PRKAR1A: variants seen among roughly 807,000 people sequenced by gnomAD.
PRKAR1A encodes protein kinase cAMP-dependent type I regulatory subunit alpha.
A neutral mutation model predicts 52.0 loss-of-function variants in PRKAR1A; 3 were observed. That is an observed-to-expected ratio of 0.06 (90% confidence interval 0.03 to 0.15). The LOEUF (loss-of-function observed/expected upper bound fraction) is 0.15, where lower values mean the gene tolerates loss of function less well. Among genes scored for constraint, PRKAR1A ranks in the 10% least tolerant of loss-of-function variants. PRKAR1A has a pLI of 1.00. For synonymous variants in PRKAR1A, 188 were observed against 168.4 expected, an observed-to-expected ratio of 1.12 and a Z score of -0.90; for missense variants, 240 against 477.4, an observed-to-expected ratio of 0.50 and a Z score of 4.63.
the PRKAR1A span, among the ~76,000 whole-genome samples, chr17:68,477,670 T>C: frequency 6.6e-6 from 1 of 151,384 alleles, no homozygotes; most frequent in African/African-American, 2.4e-5. Context: ...ATGTTCGATC[T>C]AATGCTTCAA....
chr17:68,534,560 C>CTTTTTTTTTTTTTTTTTTTCTT (rs34994040), downstream of PRKAR1A, among the ~76,000 whole-genome samples: 1 of 111,054 alleles, frequency 9.0e-6, no homozygotes, highest in Non-Finnish European at 1.8e-5. Flanking sequence ...TTTTTAGTGC[C>CTTTTTTTTTTTTTTTTTTTCTT]TTTTTTTTTT....
At chr17:68,459,626 C>A in the PRKAR1A span, among the ~76,000 whole-genome samples, 2 of 152,020 alleles carry the variant, frequency 1.3e-5, no homozygotes, top group African/African-American at 4.8e-5. Flanking sequence ...AAAATTAGAC[C>A]AAATCATAGA....
chr17:68,420,837 A>G, the PRKAR1A span: 2 of 213,434 alleles, frequency 9.4e-6, no homozygotes, highest in Non-Finnish European at 1.9e-5. Flanking sequence ...CAGACATTCA[A>G]TACATTTTAG....
chr17:68,504,664 C>A, the PRKAR1A span, among the ~76,000 whole-genome samples: 1 of 151,960 alleles, frequency 6.6e-6, no homozygotes, highest in Non-Finnish European at 1.5e-5. Flanking sequence ...AGATAGAGAG[C>A]AGAAGGATGG....
At position 68,533,310 on chromosome 17, in the gene PRKAR1A, A is replaced by T; in HGVS notation, c.*2861A>T. 1 of 1,063,926 alleles carries T rather than the reference A, an allele frequency of 9.4e-7. No homozygotes were observed. Among genetic ancestry groups the T allele is most frequent in the African/African-American group, 1.6e-5 (1 of 61,168 alleles). The allele number at this position is 1,063,926 out of a possible 1,614,324, so 65.9% of individuals were successfully genotyped here. On this transcript the variant is annotated 3_prime_UTR_variant, in exon 11 of 11. Coordinates refer to ENST00000589228, the MANE Select transcript of PRKAR1A (RefSeq NM_002734.5). ...AATTGGAGATATGTTGTATGTTAGA[A>T]GAGCATTCTTTAAATTGTGTTGCTT...
chr17:68,444,761 T>A, the PRKAR1A span, among the ~76,000 whole-genome samples: 1 of 152,178 alleles, frequency 6.6e-6, no homozygotes, highest in East Asian at 1.9e-4. Flanking sequence ...ACACATGTAA[T>A]CATCCACCTG....
chr17:68,542,042 G>A, intron 11 of PRKAR1A: 1 of 1,614,172 alleles, frequency 6.2e-7, no homozygotes, highest in East Asian at 2.2e-5. Context: ...AGACAGCCTG[G>A]GGGCCAGGTT....
At chr17:68,466,118 CACTT>C in the PRKAR1A span, among the ~76,000 whole-genome samples, 2 of 152,176 alleles carry the variant, frequency 1.3e-5, no homozygotes, top group African/African-American at 2.4e-5. Context: ...CCTGTGTTAT[CACTT>C]ACCCAAATTT....
At chr17:68,514,886 C>G (rs1299913725) in intron 1 of PRKAR1A, 1 of 162,494 alleles carries the variant, frequency 6.2e-6, no homozygotes, top group African/African-American at 2.4e-5. Flanking sequence ...ATCCTCACTC[C>G]AGTGGTTTGC....
rs776198058 is a variant in PRKAR1A at position 68,532,284 on chromosome 17, A to G, written c.*1835A>G. On this transcript the variant is annotated 3_prime_UTR_variant, in exon 11 of 11. Coordinates refer to ENST00000589228, the MANE Select transcript of PRKAR1A (RefSeq NM_002734.5). ...TGTTTAAATGCCAAAATGTACTTAA[A>G]TGAGTTACTTAGAATGCCATAAAAT... is the stretch of plus-strand genomic sequence containing the variant. 1.9e-6 allele frequency: 2 copies of G among 1,046,704 alleles called. No individual in the cohort carries two copies. Among genetic ancestry groups the G allele is most frequent in the Admixed American group, 5.4e-5 (1 of 18,678 alleles). The allele number at this position is 1,046,704 out of a possible 1,614,324, so 64.8% of individuals were successfully genotyped here.
In PRKAR1A at chr17:68,519,224, A is replaced by G. The variant is rs115332121; in HGVS notation, c.178-3532A>G. On this transcript the variant is annotated intron_variant, in intron 2 of 10. Transcript: ENST00000589228. Reference sequence around the variant, plus strand: ...CACGCTCTGTGTACCATTTTACTGTATTAGTCTGTTCTCATGCTGCTAATA... The same window carrying G: ...CACGCTCTGTGTACCATTTTACTGTGTTAGTCTGTTCTCATGCTGCTAATA... 1.9e-3 allele frequency among the ~76,000 whole-genome samples: 288 copies of G among 152,212 alleles called. 1 individual carries two copies. The highest frequency in any genetic ancestry group is 6.6e-3 in the African/African-American group (276 of 41,512).
At chr17:68,482,672 T>C in the PRKAR1A span, among the ~76,000 whole-genome samples, 2 of 152,180 alleles carry the variant, frequency 1.3e-5, no homozygotes, top group Admixed American at 6.5e-5. Context: ...ATATTGCCCG[T>C]ACAATAAAGG....
the PRKAR1A span, among the ~76,000 whole-genome samples, chr17:68,495,010 A>G: frequency 6.6e-6 from 1 of 152,134 alleles, no homozygotes; most frequent in Non-Finnish European, 1.5e-5. Context: ...GCCTCTGTCT[A>G]CCTTCCCTTC....
At position 68,542,769 on chromosome 17, in the gene PRKAR1A, T is replaced by C. The variant is rs1307692323; in HGVS notation, c.974-8315T>C. The C allele has an allele frequency of 1.2e-6, 2 of 1,614,084 alleles. No individual in the cohort carries two copies. On this transcript the variant is annotated intron_variant, in intron 11 of 11. Coordinates refer to the PRKAR1A transcript ENST00000585981. The stretch of plus-strand genomic sequence containing the variant: ...AGGATTTCCTTGGTGACATTTACTA[T>C]CCTCCCCACTGTTGGCGGCACCCGT...
chr17:68,425,216 C>A, the PRKAR1A span, among the ~76,000 whole-genome samples: 3 of 152,124 alleles, frequency 2.0e-5, no homozygotes, highest in African/African-American at 7.2e-5. Context: ...CTTTTCTTTT[C>A]TTTTTGAGAT....
At chr17:68,426,250 G>GGGGGGGC in the PRKAR1A span, 1 of 828,060 alleles carries the variant, frequency 1.2e-6, no homozygotes, top group Non-Finnish European at 1.9e-6. Flanking sequence ...GGTGGGGAGC[G>GGGGGGGC]GGGGCTCAAA....
the PRKAR1A span, among the ~76,000 whole-genome samples, chr17:68,425,049 C>T: frequency 6.6e-6 from 1 of 152,208 alleles, no homozygotes; most frequent in Non-Finnish European, 1.5e-5. Context: ...ATCTTGTCTT[C>T]AGTTCCAGGT....
chr17:68,518,497 C>T (rs1269460695), intron 2 of PRKAR1A, among the ~76,000 whole-genome samples: 1 of 152,266 alleles, frequency 6.6e-6, no homozygotes, highest in African/African-American at 2.4e-5. Context: ...GGCTTGCACT[C>T]TCTGAAGTAA....
At chr17:68,422,984 G>A in the PRKAR1A span, among the ~76,000 whole-genome samples, 1 of 152,126 alleles carries the variant, frequency 6.6e-6, no homozygotes, top group African/African-American at 2.4e-5. Flanking sequence ...GTGATCCTAC[G>A]CAGGGAAGTG....
Sources: allele counts gnomAD v4.1 joint callset (sites outside exome capture counted in the v4.1 genomes callset), GRCh38; gene constraint gnomAD v4.1.1; transcripts MANE v1.5; gene names NCBI Gene and HGNC (gene_info 2026-07-23, HGNC 2026-07-21).